CCSER1: variants seen among roughly 807,000 people sequenced by gnomAD.
CCSER1 encodes the protein coiled-coil serine rich protein 1.
CCSER1 carries 41 observed loss-of-function variants against 82.0 expected under a neutral mutation model. The observed-to-expected ratio is 0.50, with a 90% CI of 0.39 to 0.65. The LOEUF (loss-of-function observed/expected upper bound fraction) is 0.65, where lower values mean the gene tolerates loss of function less well. Ranked by LOEUF, CCSER1 falls within the 30% of genes least tolerant of loss-of-function variation. The pLI is 0.00. For synonymous variants in CCSER1, 414 were observed against 383.9 expected (o/e 1.08, Z -0.92); for missense variants, 1,119 against 1,064.2 (o/e 1.05, Z -0.72).
chr4:90,854,168 T>C (rs1174164845), intron 8 of CCSER1, among the ~76,000 whole-genome samples: 5 of 152,156 alleles, frequency 3.3e-5, no homozygotes, highest in African/African-American at 1.2e-4. Flanking sequence ...GAAATAGTAG[T>C]GAATTTTCAA....
chr4:91,349,705 T>C, intron 10 of CCSER1, among the ~76,000 whole-genome samples: 1 of 149,366 alleles, frequency 6.7e-6, no homozygotes, highest in African/African-American at 2.6e-5. Flanking sequence ...AAGAGAGTTT[T>C]TCTTTTTTTT....
rs1241628093 is a variant in CCSER1, at chr4:90,838,846, A to G, written c.2094+23001A>G. 3 of 1,606,578 alleles carry G rather than the reference A, an allele frequency of 1.9e-6. No individual in the cohort carries two copies. In the African/African-American group the frequency reaches 4.0e-5, roughly 21 times the overall value. ...ACAAAGTTAAACAGCTAAAAGAAGT[A>G]AAATAAGAAGGCAATGCTTGTGGAA... On this transcript the variant is annotated intron_variant, in intron 8 of 10. Coordinates refer to ENST00000509176, the MANE Select transcript of CCSER1 (RefSeq NM_001145065.2).
intron 4 of CCSER1, among the ~76,000 whole-genome samples, chr4:90,450,082 T>C (rs952989411): frequency 6.6e-6 from 1 of 152,176 alleles, no homozygotes; most frequent in African/African-American, 2.4e-5. Context: ...TGCTCTTCAC[T>C]GCTTCGTGCT....
intron 6 of CCSER1, among the ~76,000 whole-genome samples, chr4:90,663,449 A>G (rs1007707257): frequency 2.0e-5 from 3 of 152,170 alleles, no homozygotes; most frequent in African/African-American, 7.2e-5. Context: ...AAAAATACCA[A>G]TGAATTCAAT....
chr4:90,251,257 T>C (rs1432278766), intron 1 of CCSER1, among the ~76,000 whole-genome samples: 2 of 151,956 alleles, frequency 1.3e-5, no homozygotes, highest in Non-Finnish European at 2.9e-5. Context: ...GCTAGAATGT[T>C]CGGTATAATA....
At chr4:91,186,196 G>A (rs1018020225) in intron 10 of CCSER1, among the ~76,000 whole-genome samples, 6 of 152,146 alleles carry the variant, frequency 3.9e-5, no homozygotes, top group Non-Finnish European at 7.3e-5. Flanking sequence ...AAATAATAAG[G>A]AGGGGTTACA....
chr4:91,310,947 T>C (rs1745429554), intron 10 of CCSER1, among the ~76,000 whole-genome samples: 1 of 151,906 alleles, frequency 6.6e-6, no homozygotes, highest in Non-Finnish European at 1.5e-5. Context: ...AACCAAAAGA[T>C]TGGATTCCCC....
intron 8 of CCSER1, among the ~76,000 whole-genome samples, chr4:90,820,923 G>A (rs17017687): frequency 0.33 from 50,695 of 151,744 alleles, 8,616 homozygotes; most frequent in East Asian, 0.42. Flanking sequence ...TTGGTAATGT[G>A]TCATTTTTAA....
intron 4 of CCSER1, among the ~76,000 whole-genome samples, chr4:90,415,801 G>C (rs1189115216): frequency 6.6e-6 from 1 of 152,150 alleles, no homozygotes; most frequent in East Asian, 1.9e-4. Flanking sequence ...ATGCACCTGG[G>C]TAATGAGAGT....
At chr4:90,696,761 C>T (rs964324165) in intron 6 of CCSER1, among the ~76,000 whole-genome samples, 1 of 152,114 alleles carries the variant, frequency 6.6e-6, no homozygotes, top group Admixed American at 6.6e-5. Flanking sequence ...GGTTCTATTA[C>T]TCTCCATTTC....
chr4:90,497,345 A>C (rs1769194395), intron 5 of CCSER1, among the ~76,000 whole-genome samples: 1 of 152,196 alleles, frequency 6.6e-6, no homozygotes, highest in South Asian at 2.1e-4. Flanking sequence ...GTTTGTATTT[A>C]CCTGTTAGAT....
At chr4:90,920,169 C>T (rs941612498) in intron 8 of CCSER1, among the ~76,000 whole-genome samples, 4 of 151,828 alleles carry the variant, frequency 2.6e-5, no homozygotes, top group African/African-American at 4.8e-5. Context: ...AGCACACTTC[C>T]GCGGTTTGTC....
At chr4:91,049,897 T>A (rs1451740463) in intron 9 of CCSER1, among the ~76,000 whole-genome samples, 1 of 152,226 alleles carries the variant, frequency 6.6e-6, no homozygotes, top group Non-Finnish European at 1.5e-5. Context: ...GAACACAGAA[T>A]CAGTTATCAG....
At chr4:90,797,717 C>A (rs1325640000) in intron 7 of CCSER1, among the ~76,000 whole-genome samples, 1 of 152,142 alleles carries the variant, frequency 6.6e-6, no homozygotes. Flanking sequence ...GATCTTATTT[C>A]TCCTCCTCTT....
At chr4:90,490,043 T>G (rs148246792) in intron 5 of CCSER1, among the ~76,000 whole-genome samples, 2,462 of 152,226 alleles carry the variant, frequency 0.016, 41 homozygotes, top group African/African-American at 0.048. Flanking sequence ...ACCCAGTAAT[T>G]GGATTGCTGG....
chr4:91,092,856 G>T (rs1295297404), intron 10 of CCSER1, among the ~76,000 whole-genome samples: 1 of 152,126 alleles, frequency 6.6e-6, no homozygotes, highest in African/African-American at 2.4e-5. Context: ...TCCTGCCTCT[G>T]TGTCTGCTCA....
chr4:90,925,403 G>T (rs777813876), intron 9 of CCSER1, among the ~76,000 whole-genome samples: 1 of 152,162 alleles, frequency 6.6e-6, no homozygotes, highest in East Asian at 1.9e-4. Context: ...TTTATTTAAA[G>T]AAACAATGTT....
intron 6 of CCSER1, among the ~76,000 whole-genome samples, chr4:90,637,678 T>C (rs1334256294): frequency 6.6e-6 from 1 of 152,122 alleles, no homozygotes; most frequent in Non-Finnish European, 1.5e-5. Flanking sequence ...TCAAGTATAG[T>C]TTTCCATTTT....
intron 5 of CCSER1, among the ~76,000 whole-genome samples, chr4:90,485,075 C>T (rs562008328): frequency 1.2e-4 from 19 of 152,328 alleles, no homozygotes; most frequent in African/African-American, 3.8e-4. Flanking sequence ...TGAGCAATGG[C>T]GGGCGCCCCT....
Sources: gnomAD v4.1 joint callset for allele counts (sites outside exome capture counted in the v4.1 genomes callset) on GRCh38, gnomAD v4.1.1 for gene constraint, MANE v1.5 for transcripts, NCBI Gene and HGNC (gene_info 2026-07-23, HGNC 2026-07-21) for gene names.